The following MAP2 variants were observed in gnomAD, a reference collection of about 807,000 sequenced individuals.
MAP2 encodes microtubule associated protein 2.
MAP2 carries 14 observed loss-of-function variants against 137.6 expected under a neutral mutation model. The ratio of observed to expected loss-of-function variants is 0.10; its 90% CI spans 0.07 to 0.16. The LOEUF (loss-of-function observed/expected upper bound fraction) is 0.16. MAP2 is among the 10% of genes least tolerant of loss of function. The pLI is 1.00. For synonymous variants in MAP2, 786 were observed against 782.3 expected (o/e 1.00, Z -0.08); for missense variants, 2,088 against 2,191.5 (o/e 0.95, Z 0.94).
intron 3 of MAP2, among the ~76,000 whole-genome samples, chr2:209,580,838 C>A (rs1029853115): frequency 2.6e-5 from 4 of 152,100 alleles, no homozygotes; most frequent in Non-Finnish European, 4.4e-5. Flanking sequence ...ATGGATATTA[C>A]CTTTTCTTTA....
rs569585008 is a variant in MAP2, at chr2:209,697,182, TTAAG to T, written c.4522+133_4522+136del. The T allele has an allele frequency of 1.4e-4, 120 of 866,850 alleles. 1 individual carries two copies. In the East Asian group the frequency reaches 3.0e-3, roughly 22 times the overall value. 53.7% of individuals were successfully genotyped at this position (866,850 alleles called of 1,614,324 possible). ...TCAGCAGTCATGAACAATTTTGCTA[TTAAG>T]TGTCTTGTATCATTATTCTTTTTTC... On this transcript the variant is annotated intron_variant, in intron 10 of 15. Coordinates refer to ENST00000682079, the MANE Select transcript of MAP2 (RefSeq NM_001375505.1).
At chr2:209,705,443 T>A in intron 11 of MAP2, 137 bp from the exon 12 acceptor site, 1 of 594,156 alleles carries the variant, frequency 1.7e-6, no homozygotes. Context: ...GAAATGTTTA[T>A]AAATATATGA....
chr2:209,544,806 G>A (rs1474997262), intron 2 of MAP2, among the ~76,000 whole-genome samples: 4 of 152,078 alleles, frequency 2.6e-5, no homozygotes, highest in Admixed American at 2.0e-4. Context: ...ATTGTAAACC[G>A]TCAATATTTT....
intron 1 of MAP2, among the ~76,000 whole-genome samples, chr2:209,504,813 C>G (rs1397982016): frequency 6.6e-6 from 1 of 151,020 alleles, no homozygotes; most frequent in Non-Finnish European, 1.5e-5. Flanking sequence ...CTCCTTTTTT[C>G]TTAGGGGATA....
intron 1 of MAP2, among the ~76,000 whole-genome samples, chr2:209,493,001 G>C (rs1487444495): frequency 1.3e-5 from 2 of 152,086 alleles, no homozygotes. Flanking sequence ...AGCAAAGCTG[G>C]AGGCATCATG....
At chr2:209,516,032 C>T (rs1234762279) in intron 2 of MAP2, among the ~76,000 whole-genome samples, 4 of 152,032 alleles carry the variant, frequency 2.6e-5, no homozygotes, top group Non-Finnish European at 5.9e-5. Flanking sequence ...TGGGCTCACG[C>T]AATCCTCCCA....
At chr2:209,553,482 T>C (rs1323081321) in intron 2 of MAP2, among the ~76,000 whole-genome samples, 2 of 152,226 alleles carry the variant, frequency 1.3e-5, no homozygotes, top group East Asian at 1.9e-4. Flanking sequence ...CAAGAACATA[T>C]AAGATAACAT....
Position 209,694,930 on chromosome 2 carries a change from A to G in MAP2, c.2760A>G (p.Ala920=). ...TDLSLIEVKL[A]AAGRVKDEFS... ...TTTCACTGATTGAAGTGAAACTGGC[A>G]GCAGCCGGAAGAGTCAAAGATGAGT... Residue 920 remains alanine, a synonymous_variant, in exon 8 of 16, where the codon GCA becomes GCG. Transcript: ENST00000682079. 1.2e-6 allele frequency: 2 copies of G among 1,614,196 alleles called. No homozygotes were observed. Among genetic ancestry groups the G allele is most frequent in the Non-Finnish European group, 1.7e-6 (2 of 1,180,028 alleles).
intron 2 of MAP2, among the ~76,000 whole-genome samples, chr2:209,524,251 T>A (rs901343381): frequency 3.9e-5 from 6 of 152,180 alleles, no homozygotes; most frequent in African/African-American, 1.2e-4. Flanking sequence ...TCAATTTTAA[T>A]AGTTATTTGT....
chr2:209,721,489 A>AT (rs1293249224), intron 13 of MAP2, among the ~76,000 whole-genome samples: 1 of 152,156 alleles, frequency 6.6e-6, no homozygotes, highest in East Asian at 1.9e-4. Context: ...AATATCTGTG[A>AT]TTTTCTAGAA....
At chr2:209,710,513 T>A in intron 13 of MAP2, 1 of 433,826 alleles carries the variant, frequency 2.3e-6, no homozygotes. Flanking sequence ...CTTTTTTTTT[T>A]TCTGAATGTA....
chr2:209,520,262 A>ATAAGATAT (rs2063090085), intron 2 of MAP2, among the ~76,000 whole-genome samples: 1 of 152,090 alleles, frequency 6.6e-6, no homozygotes, highest in African/African-American at 2.4e-5. Flanking sequence ...GCTTCCCTAT[A>ATAAGATAT]AGATATCCAG....
chr2:209,491,964 A>G (rs1422554999), intron 1 of MAP2, among the ~76,000 whole-genome samples: 1 of 152,226 alleles, frequency 6.6e-6, no homozygotes, highest in African/African-American at 2.4e-5. Flanking sequence ...CATCATCCTG[A>G]TAACAAAACC....
At chr2:209,643,680 T>A (rs1241404719) in intron 4 of MAP2, among the ~76,000 whole-genome samples, 1 of 146,448 alleles carries the variant, frequency 6.8e-6, no homozygotes, top group Non-Finnish European at 1.5e-5. Context: ...ATTGTTTTCA[T>A]AATGTGAAGT....
At chr2:209,511,487 C>G (rs1042409293) in intron 2 of MAP2, among the ~76,000 whole-genome samples, 7 of 152,288 alleles carry the variant, frequency 4.6e-5, no homozygotes, top group Admixed American at 4.6e-4. Context: ...TTAAAGTGTT[C>G]TGGTGGCATT....
chr2:209,686,978 A>G (rs2057245414), intron 7 of MAP2, among the ~76,000 whole-genome samples: 1 of 152,012 alleles, frequency 6.6e-6, no homozygotes, highest in African/African-American at 2.4e-5. Context: ...GGCTTTCTTA[A>G]AACAGTATAC....
At chr2:209,632,995 T>C (rs577676743) in intron 4 of MAP2, among the ~76,000 whole-genome samples, 131 of 152,252 alleles carry the variant, frequency 8.6e-4, no homozygotes, top group African/African-American at 2.4e-3. Flanking sequence ...TTTCCTACAG[T>C]CTAAAGCTCC....
chr2:209,684,059 C>T (rs1432304250), intron 7 of MAP2, among the ~76,000 whole-genome samples: 21 of 152,104 alleles, frequency 1.4e-4, no homozygotes, highest in Admixed American at 1.4e-3. Flanking sequence ...ACAAGCTGCA[C>T]ACTTAGAAAA....
At chr2:209,625,527 G>C (rs1360426639) in intron 4 of MAP2, among the ~76,000 whole-genome samples, 2 of 152,054 alleles carry the variant, frequency 1.3e-5, no homozygotes, top group Non-Finnish European at 2.9e-5. Context: ...TAGATATGGG[G>C]ATCATCCCCA....
Sources: allele counts gnomAD v4.1 joint callset (sites outside exome capture counted in the v4.1 genomes callset), GRCh38; gene constraint gnomAD v4.1.1; transcripts MANE v1.5; gene names NCBI Gene and HGNC (gene_info 2026-07-23, HGNC 2026-07-21).